UBR7: variants seen among roughly 807,000 people sequenced by gnomAD.
The protein encoded by UBR7 is putative E3 ubiquitin-protein ligase UBR7.
Under a neutral mutation model 57.0 loss-of-function variants are expected in UBR7, and 22 were observed. The ratio of observed to expected loss-of-function variants is 0.39; its 90% confidence interval spans 0.28 to 0.55. The LOEUF is 0.55. UBR7 is among the 20% of genes least tolerant of loss of function. The probability of loss-of-function intolerance (pLI) is 0.69; values close to 1 mark genes in which losing one functional copy is unlikely to be tolerated. For synonymous variants in UBR7, 167 were observed against 179.8 expected (o/e 0.93, Z 0.57); for missense variants, 395 against 513.2 (o/e 0.77, Z 2.23).
At chr14:93,224,372 C>CTTTTTTTTTTTTTTTTTTTTTTTTTTTT (rs761189322) in intron 10 of UBR7, among the ~76,000 whole-genome samples, 1 of 93,792 alleles carries the variant, frequency 1.1e-5, no homozygotes, top group Admixed American at 1.2e-4. Context: ...CCTTACAGTT[C>CTTTTTTTTTTTTTTTTTTTTTTTTTTTT]TTTTTTTTTT....
intron 7 of UBR7, 147 bp from the exon 8 acceptor site, chr14:93,219,065 A>AG: frequency 9.6e-7 from 1 of 1,046,692 alleles, no homozygotes; most frequent in East Asian, 2.6e-5. Flanking sequence ...AAAAAAAAAA[A>AG]AGAAAACTGA....
intron 6 of UBR7, among the ~76,000 whole-genome samples, chr14:93,218,258 A>C (rs1265453201): frequency 6.6e-6 from 1 of 151,924 alleles, no homozygotes; most frequent in Non-Finnish European, 1.5e-5. Flanking sequence ...AAAAATACAA[A>C]AAATTAGCCA....
chr14:93,209,784 C>T (rs937517290), intron 1 of UBR7, 40 bp from the exon 2 acceptor site: 1 of 1,608,502 alleles, frequency 6.2e-7, no homozygotes, highest in African/African-American at 1.3e-5. Context: ...GTAAACCATG[C>T]TACTACATTA....
intron 9 of UBR7, among the ~76,000 whole-genome samples, chr14:93,221,239 T>G (rs1039762894): frequency 4.0e-5 from 6 of 151,676 alleles, no homozygotes; most frequent in Non-Finnish European, 7.4e-5. Flanking sequence ...GCCTCCCAAG[T>G]AGCTGGGATT....
intron 7 of UBR7, 107 bp downstream of exon 7, chr14:93,218,842 G>A: frequency 1.6e-6 from 2 of 1,218,110 alleles, no homozygotes; most frequent in Non-Finnish European, 2.3e-6. Context: ...ATCACCTGAG[G>A]TCACGGGTTT....
intron 10 of UBR7, among the ~76,000 whole-genome samples, chr14:93,225,386 G>A (rs1894827626): frequency 6.6e-6 from 1 of 151,584 alleles, no homozygotes; most frequent in Non-Finnish European, 1.5e-5. Context: ...CAGCACTTTG[G>A]GAGGCTAAGG....
chr14:93,227,251 A>G lies in UBR7; in HGVS notation c.*216A>G. On this transcript the variant is annotated 3_prime_UTR_variant, in exon 11 of 11. Coordinates refer to ENST00000013070, the MANE Select transcript of UBR7 (RefSeq NM_175748.4). ...ACTCAGCTGATGCAGCTCATTCCAC[A>G]GACTTCTCCAGTGTACTCCTACTCC... 1 of 630,216 alleles carries G rather than the reference A, an allele frequency of 1.6e-6. No homozygotes were observed. Among genetic ancestry groups the G allele is most frequent in the Non-Finnish European group, 2.9e-6 (1 of 341,304 alleles). 39.0% of individuals were successfully genotyped at this position (630,216 alleles called of 1,614,324 possible).
At chr14:93,219,890 G>A (rs1275068940) in intron 8 of UBR7, among the ~76,000 whole-genome samples, 1 of 151,956 alleles carries the variant, frequency 6.6e-6, no homozygotes, top group East Asian at 1.9e-4. Flanking sequence ...CAGGAGAATC[G>A]CTTGAACCCA....
intron 6 of UBR7, among the ~76,000 whole-genome samples, chr14:93,217,067 C>T (rs1169972359): frequency 6.6e-6 from 1 of 151,776 alleles, no homozygotes; most frequent in Non-Finnish European, 1.5e-5. Flanking sequence ...TGCTCTGTTG[C>T]CCAGGCTGGA....
chr14:93,208,134 G>T (rs1342795530), intron 1 of UBR7, among the ~76,000 whole-genome samples: 1 of 152,024 alleles, frequency 6.6e-6, no homozygotes, highest in Non-Finnish European at 1.5e-5. Flanking sequence ...GTGTTTGAGG[G>T]GGTGTGATGT....
chr14:93,226,483 C>T (rs1894850093), intron 10 of UBR7, among the ~76,000 whole-genome samples: 2 of 152,092 alleles, frequency 1.3e-5, no homozygotes, highest in Non-Finnish European at 2.9e-5. Context: ...CGTATCTACA[C>T]AAAATTTAAA....
chr14:93,220,470 A>AG (rs1200446692), intron 9 of UBR7, 59 bp downstream of exon 9: 34 of 1,594,114 alleles, frequency 2.1e-5, no homozygotes, highest in Non-Finnish European at 2.9e-5. Flanking sequence ...AAAAATATAA[A>AG]GGGGGCAGTA....
Position 93,207,320 on chromosome 14 carries a change from G to A in UBR7, c.29G>A (p.Arg10Gln), listed in dbSNP as rs181764173. ...GCCGGAGCCGAGGGCGCCGCTGGGC[G>A]GCAGTCGGAGCTGGAGCCCGTGGTA... MAGAEGAAG[R>Q]QSELEPVVSL... The change falls in exon 1 of 11, where the codon CGG becomes CAG. Residue 10 changes from arginine to glutamine, a missense_variant. Coordinates refer to ENST00000013070, the MANE Select transcript of UBR7 (RefSeq NM_175748.4). The A allele has an allele frequency of 3.0e-5, 46 of 1,558,198 alleles. 1 individual carries two copies. Among genetic ancestry groups the A allele is most frequent in the Non-Finnish European group, 3.6e-5 (42 of 1,150,688 alleles).
rs1343114230 is a variant in UBR7 at position 93,227,350 on chromosome 14, A to T, written c.*315A>T. 1.6e-6 allele frequency: 1 copy of T among 618,570 alleles called. No homozygotes were observed. The highest frequency in any genetic ancestry group is 2.1e-5 in the Admixed American group (1 of 47,500). The allele number at this position is 618,570 out of a possible 1,614,324, so 38.3% of individuals were successfully genotyped here. A position where few individuals can be genotyped will look rare whatever the true frequency, so the allele number is the denominator to read the frequency against. ...AGAAAGCAAATTGGTGTCTTGTTTA[A>T]TGATCTGTTATTTCACTCCCAGATG... is the stretch of plus-strand genomic sequence containing the variant. On this transcript the variant is annotated 3_prime_UTR_variant, in exon 11 of 11. Coordinates refer to ENST00000013070, the MANE Select transcript of UBR7 (RefSeq NM_175748.4).
intron 10 of UBR7, among the ~76,000 whole-genome samples, chr14:93,222,710 C>G (rs1200847692): frequency 2.0e-5 from 3 of 151,694 alleles, no homozygotes; most frequent in Non-Finnish European, 2.9e-5. Flanking sequence ...GCCACTGCAC[C>G]CCAGCCTGGG....
At chr14:93,212,844 C>T (rs1356918014) in intron 4 of UBR7, among the ~76,000 whole-genome samples, 1 of 152,136 alleles carries the variant, frequency 6.6e-6, no homozygotes, top group Non-Finnish European at 1.5e-5. Context: ...AGCAGAATGG[C>T]ATTGTGTAAT....
At chr14:93,210,752 G>A (rs747437625) in intron 3 of UBR7, 44 bp downstream of exon 3, 56 of 1,520,486 alleles carry the variant, frequency 3.7e-5, no homozygotes, top group Non-Finnish European at 4.9e-5. Context: ...AGCAGCTGAG[G>A]TTAATATTTG....
At chr14:93,224,661 G>A (rs147167721) in intron 10 of UBR7, among the ~76,000 whole-genome samples, 1 of 152,208 alleles carries the variant, frequency 6.6e-6, no homozygotes, top group Non-Finnish European at 1.5e-5. Context: ...ACAGGCATGA[G>A]CCACCTCGCC....
intron 10 of UBR7, among the ~76,000 whole-genome samples, chr14:93,224,541 C>G (rs745904256): frequency 1.3e-5 from 2 of 151,854 alleles, no homozygotes; most frequent in Non-Finnish European, 2.9e-5. Context: ...CCACGCCCGG[C>G]TAATGTTTTG....
Sources: gnomAD v4.1 joint callset for allele counts (sites outside exome capture counted in the v4.1 genomes callset) on GRCh38, gnomAD v4.1.1 for gene constraint, MANE v1.5 for transcripts, NCBI Gene and HGNC (gene_info 2026-07-23, HGNC 2026-07-21) for gene names.